Variants in BCAS3 observed in about 807,000 individuals in gnomAD.
The protein encoded by BCAS3 is BCAS4/BCAS3 fusion.
A neutral mutation model predicts 116.1 loss-of-function variants in BCAS3; 53 were observed. That is an observed-to-expected ratio of 0.46 (90% CI 0.37 to 0.57). The LOEUF (loss-of-function observed/expected upper bound fraction) is 0.57, where lower values mean the gene tolerates loss of function less well. Ranked by LOEUF, BCAS3 falls within the 20% of genes least tolerant of loss-of-function variation. The pLI, the probability that BCAS3 is intolerant of heterozygous loss-of-function variation, is 0.00. For synonymous variants in BCAS3, 391 were observed against 408.2 expected (o/e 0.96, Z 0.51); for missense variants, 917 against 1,165.4 (o/e 0.79, Z 3.10).
intron 10 of BCAS3, among the ~76,000 whole-genome samples, chr17:60,891,523 G>A (rs1257839702): frequency 2.6e-5 from 4 of 152,166 alleles, no homozygotes; most frequent in African/African-American, 9.7e-5. Flanking sequence ...ATAAGAGCTA[G>A]CATTTATTAG....
chr17:61,009,476 G>A (rs1225172132), intron 15 of BCAS3, among the ~76,000 whole-genome samples: 1 of 151,676 alleles, frequency 6.6e-6, no homozygotes, highest in Non-Finnish European at 1.5e-5. Flanking sequence ...CTCTCTCTCT[G>A]GTATGACACT....
At chr17:60,742,198 A>G (rs2041620201) in intron 5 of BCAS3, among the ~76,000 whole-genome samples, 1 of 152,160 alleles carries the variant, frequency 6.6e-6, no homozygotes, top group African/African-American at 2.4e-5. Flanking sequence ...TCTCTACCAG[A>G]CAAAATTCAT....
At chr17:61,011,566 G>A (rs768444362) in intron 15 of BCAS3, among the ~76,000 whole-genome samples, 3 of 151,980 alleles carry the variant, frequency 2.0e-5, no homozygotes, top group African/African-American at 7.2e-5. Flanking sequence ...TCATAGGGCC[G>A]TATTTTTCTC....
intron 22 of BCAS3, among the ~76,000 whole-genome samples, chr17:61,164,586 G>C (rs2078373080): frequency 6.6e-6 from 1 of 152,140 alleles, no homozygotes; most frequent in African/African-American, 2.4e-5. Flanking sequence ...GGAGTGGGCT[G>C]GTTATCGCAG....
chr17:61,295,663 G>C (rs1480241904), intron 22 of BCAS3, among the ~76,000 whole-genome samples: 1 of 152,086 alleles, frequency 6.6e-6, no homozygotes, highest in South Asian at 2.1e-4. Flanking sequence ...TGAAATTTCT[G>C]TAGGTCAGGC....
chr17:61,071,536 A>T (rs2071428330), intron 19 of BCAS3, among the ~76,000 whole-genome samples: 1 of 152,176 alleles, frequency 6.6e-6, no homozygotes, highest in Non-Finnish European at 1.5e-5. Context: ...ATTTATTTCT[A>T]ACAAGCTCTG....
In BCAS3 at chr17:60,897,196, G is replaced by C. The variant is rs144369135; in HGVS notation, c.739-5424G>C. On this transcript the variant is annotated intron_variant, in intron 10 of 23. Transcript: ENST00000407086. ...TTTGCTGGATACAGTATTCTTGACT[G>C]ACATACTTTTTTCTTTCAACCCTTT... Among the ~76,000 whole-genome samples the C allele has an allele frequency of 8.5e-5, 13 of 152,260 alleles. No homozygotes were observed. The East Asian group carries it at 1.5e-3, about 18-fold the overall frequency.
At chr17:60,774,353 A>G (rs1276090444) in intron 6 of BCAS3, among the ~76,000 whole-genome samples, 4 of 152,206 alleles carry the variant, frequency 2.6e-5, no homozygotes, top group Non-Finnish European at 5.9e-5. Context: ...GCCTGGAGAC[A>G]TGTTCACTTT....
rs1381476765 is a variant in BCAS3, at chr17:61,106,731, T to C, written c.2425+22167T>C. 6.6e-6 allele frequency among the ~76,000 whole-genome samples: 1 copy of C among 152,258 alleles called. No homozygotes were observed. The highest frequency in any genetic ancestry group is 2.4e-5 in the African/African-American group (1 of 41,468). On this transcript the variant is annotated intron_variant, in intron 22 of 23. Transcript: ENST00000407086. The surrounding 1 kb of genome is among the most constrained non-coding windows in gnomAD (Gnocchi z 4.2). Reference sequence around the variant, plus strand: ...TTGTTAGCAGATTTCCTTCAAGTCATTAAATATTTTTGAAGACATAGATAT... The same window carrying C: ...TTGTTAGCAGATTTCCTTCAAGTCACTAAATATTTTTGAAGACATAGATAT...
chr17:61,209,019 A>G (rs1450270989), intron 22 of BCAS3, among the ~76,000 whole-genome samples: 1 of 152,152 alleles, frequency 6.6e-6, no homozygotes, highest in Admixed American at 6.5e-5. Flanking sequence ...ATATGGTCTC[A>G]TGTTCCATTT....
At position 61,369,937 on chromosome 17, in the gene BCAS3, A is replaced by AC. The variant is rs886803680; in HGVS notation, c.2593+1446dup. Among the ~76,000 whole-genome samples the AC allele has an allele frequency of 7.4e-4, 112 of 152,278 alleles. 1 individual carries two copies. Among genetic ancestry groups the AC allele is most frequent in the African/African-American group, 2.6e-3 (108 of 41,556 alleles). ...ATAAACCGGAGCCCGGTGCCACTGG[A>AC]CCCATCCCCGGCAGCCTCCCTCTTC... On this transcript the variant is annotated intron_variant, in intron 23 of 23. Transcript: ENST00000407086.
In BCAS3 at chr17:61,214,233, G is replaced by T. The variant is rs536020109; in HGVS notation, c.2425+129669G>T. 6.6e-6 allele frequency among the ~76,000 whole-genome samples: 1 copy of T among 152,186 alleles called. No individual in the cohort carries two copies. Among genetic ancestry groups the T allele is most frequent in the African/African-American group, 2.4e-5 (1 of 41,518 alleles). ...ATACAAAAATTAGCCAGGTGTGGTG[G>T]CAGGCACCTGTAATCCCAGCTACTT... On this transcript the variant is annotated intron_variant, in intron 22 of 23. Transcript: ENST00000407086. The surrounding 1 kb of genome is among the most constrained non-coding windows in gnomAD (Gnocchi z 4.4).
At position 60,990,286 on chromosome 17, in the gene BCAS3, T is replaced by A. The variant is rs985386586; in HGVS notation, c.1486+51T>A. The A allele has an allele frequency of 6.3e-7, 1 of 1,577,644 alleles. No individual in the cohort carries two copies. Among genetic ancestry groups the A allele is most frequent in the Non-Finnish European group, 8.7e-7 (1 of 1,155,268 alleles). ...TCTTGAATCTTCCTTCCCTTTGTCC[T>A]TATTTTTACAGATCTGGGATAAAAC... On this transcript the variant is annotated intron_variant, in intron 15 of 23. Transcript: ENST00000407086. The surrounding 1 kb of genome is among the most constrained non-coding windows in gnomAD (Gnocchi z 5.1).
In BCAS3 at chr17:60,976,426, AAT is replaced by A. The variant is rs749719738; in HGVS notation, c.1222-13530_1222-13529del. Among the ~76,000 whole-genome samples, 343 of 138,216 alleles carry A rather than the reference AAT, an allele frequency of 2.5e-3. 4 individuals are homozygous for A. The highest frequency in any genetic ancestry group is 5.9e-4 in the East Asian group (3 of 5,122). 90.7% of individuals were successfully genotyped at this position (138,216 alleles called of 152,430 possible). On this transcript the variant is annotated intron_variant, in intron 14 of 23. Coordinates refer to ENST00000407086, the MANE Select transcript of BCAS3 (RefSeq NM_017679.5). The stretch of plus-strand genomic sequence containing the variant: ...AACTTTATGTTAAACTTTTGGAAAC[AAT>A]ATATATATATATATTTTTTTTTTAG...
intron 7 of BCAS3, among the ~76,000 whole-genome samples, chr17:60,850,784 A>C (rs961282902): frequency 3.9e-5 from 6 of 152,222 alleles, no homozygotes; most frequent in Non-Finnish European, 8.8e-5. Flanking sequence ...TTAGCAACAA[A>C]GAATGAAATA....
chr17:61,372,744 T>C (rs11657044), intron 23 of BCAS3, among the ~76,000 whole-genome samples: 105,218 of 151,876 alleles, frequency 0.69, 38,162 homozygotes, highest in Non-Finnish European at 0.82. Context: ...GAATGCTGTC[T>C]CTCAAAGCCC....
chr17:61,009,064 A>G (rs2064925436), intron 15 of BCAS3, among the ~76,000 whole-genome samples: 1 of 152,050 alleles, frequency 6.6e-6, no homozygotes, highest in South Asian at 2.1e-4. Context: ...CAGTCGTAGG[A>G]GTCTAGAGTA....
At chr17:60,706,590 C>T (rs773727756) in intron 4 of BCAS3, among the ~76,000 whole-genome samples, 7 of 151,772 alleles carry the variant, frequency 4.6e-5, no homozygotes, top group Non-Finnish European at 1.0e-4. Flanking sequence ...TTTGGAAGGC[C>T]GAGGCGGATG....
rs1378533254 is a variant in BCAS3, at chr17:61,189,265, A to G, written c.2425+104701A>G. Among the ~76,000 whole-genome samples, 1 of 152,204 alleles carries G rather than the reference A, an allele frequency of 6.6e-6. No homozygotes were observed. Among genetic ancestry groups the G allele is most frequent in the Admixed American group, 6.5e-5 (1 of 15,274 alleles). On this transcript the variant is annotated intron_variant, in intron 22 of 23. Coordinates refer to ENST00000407086, the MANE Select transcript of BCAS3 (RefSeq NM_017679.5). This position sits in a 1 kb window ranked among gnomAD's most constrained non-coding sequence, Gnocchi z 4.5. ...TACACCTGGGAGAAGTGTAATAGCA[A>G]TCTAGGTAGAGAAGATAAGCATAAG...
Sources: gnomAD v4.1 joint callset for allele counts (sites outside exome capture counted in the v4.1 genomes callset) on GRCh38, gnomAD v4.1.1 for gene constraint, Gnocchi (gnomAD v3.1) non-coding constraint, MANE v1.5 for transcripts, NCBI Gene and HGNC (gene_info 2026-07-23, HGNC 2026-07-21) for gene names.